The following DRC4 variants were observed in gnomAD, a reference collection of about 807,000 sequenced individuals.
The protein encoded by DRC4 is dynein regulatory complex subunit 4.
At chr16:90,037,506 C>T in the DRC4 span, 7,593 of 1,264,828 alleles carry the variant, frequency 6.0e-3, 48 homozygotes, top group South Asian at 0.014. Flanking sequence ...GGAAGGGAGA[C>T]GGGGAGGCCT....
At chr16:90,036,133 C>G in the DRC4 span, 1 of 579,212 alleles carries the variant, frequency 1.7e-6, no homozygotes, top group East Asian at 3.0e-5. Context: ...TTGGCACCCC[C>G]AGTGCAGGGA....
At chr16:90,035,559 A>T in the DRC4 span, 1 of 1,601,790 alleles carries the variant, frequency 6.2e-7, no homozygotes, top group Non-Finnish European at 8.6e-7. Context: ...ACCATGAGGA[A>T]CAGGGTCAGC....
chr16:90,033,567 G>A, the DRC4 span, among the ~76,000 whole-genome samples: 1 of 152,370 alleles, frequency 6.6e-6, no homozygotes. Context: ...TTGGGAGGCT[G>A]AGGCGGGAGG....
At chr16:90,038,690 C>G in the DRC4 span, among the ~76,000 whole-genome samples, 1 of 152,166 alleles carries the variant, frequency 6.6e-6, no homozygotes, top group Admixed American at 6.5e-5. Flanking sequence ...CTCACCTGCA[C>G]CAGATCTGAC....
chr16:90,024,159 A>AC, the DRC4 span, among the ~76,000 whole-genome samples: 5 of 93,494 alleles, frequency 5.3e-5, no homozygotes, highest in African/African-American at 1.5e-4. Flanking sequence ...CACACACACA[A>AC]AATTAGCCGG....
chr16:90,043,713 A>T, the DRC4 span: 1 of 489,196 alleles, frequency 2.0e-6, no homozygotes, highest in Non-Finnish European at 4.2e-6. Flanking sequence ...CACCGAATGG[A>T]CAGCTTTGCA....
At chr16:90,023,067 G>GGATCCCAGGGATCCAATCCAGGAA in the DRC4 span, among the ~76,000 whole-genome samples, 2 of 152,204 alleles carry the variant, frequency 1.3e-5, no homozygotes, top group Admixed American at 6.5e-5. Context: ...GACTCGGTCT[G>GGATCCCAGGGATCCAATCCAGGAA]TTGGATCCCT....
chr16:90,025,649 CAAAAAA>C, the DRC4 span, among the ~76,000 whole-genome samples: 1,875 of 45,904 alleles, frequency 0.041, 30 homozygotes, highest in African/African-American at 0.056. Flanking sequence ...GACTCTGTCT[CAAAAAA>C]AAAAAAAAAA....
the DRC4 span, chr16:90,029,935 T>A: frequency 6.5e-6 from 1 of 153,400 alleles, no homozygotes; most frequent in African/African-American, 2.4e-5. Context: ...TTTTTTGTAT[T>A]TTTAGTAGAG....
At chr16:90,034,882 C>G in the DRC4 span, among the ~76,000 whole-genome samples, 2 of 147,186 alleles carry the variant, frequency 1.4e-5, no homozygotes, top group Non-Finnish European at 3.0e-5. Flanking sequence ...AGCCACCACA[C>G]CCACCTAATC....
chr16:90,042,633 G>T, the DRC4 span: 1 of 986,838 alleles, frequency 1.0e-6, no homozygotes, highest in Non-Finnish European at 1.6e-6. Flanking sequence ...TGCCCACTTC[G>T]TACCTCGTTT....
chr16:90,022,866 G>T, the DRC4 span: 2 of 847,768 alleles, frequency 2.4e-6, no homozygotes, highest in African/African-American at 3.5e-5. Flanking sequence ...GTGCTCTTGT[G>T]GGGGTCTCCG....
chr16:90,037,643 C>T, the DRC4 span: 1 of 1,096,730 alleles, frequency 9.1e-7, no homozygotes, highest in East Asian at 2.4e-5. Flanking sequence ...TGCTTGTGTC[C>T]TGGAACCAGG....
At chr16:90,029,529 A>G in the DRC4 span, 4 of 356,642 alleles carry the variant, frequency 1.1e-5, no homozygotes, top group Non-Finnish European at 2.2e-5. Context: ...AGGAGCCTCT[A>G]AAGGTCTGTG....
At chr16:90,042,547 C>T in the DRC4 span, 1 of 1,610,722 alleles carries the variant, frequency 6.2e-7, no homozygotes. Flanking sequence ...TACGGCTGTG[C>T]CCTGCCCTCC....
chr16:90,026,162 G>T, the DRC4 span, among the ~76,000 whole-genome samples: 194 of 152,188 alleles, frequency 1.3e-3, no homozygotes, highest in African/African-American at 4.5e-3. Context: ...AAAAGCATGG[G>T]CTGAAGACTA....
At chr16:90,040,282 C>A in the DRC4 span, 1 of 1,559,970 alleles carries the variant, frequency 6.4e-7, no homozygotes. Flanking sequence ...TCGCCCACCC[C>A]CAGCGCTGTC....
the DRC4 span, among the ~76,000 whole-genome samples, chr16:90,024,316 A>G: frequency 5.9e-5 from 9 of 152,140 alleles, no homozygotes; most frequent in Non-Finnish European, 1.3e-4. Context: ...TTAATTATTT[A>G]GGTGCACCGG....
chr16:90,037,326 A>G, the DRC4 span: 43 of 1,614,108 alleles, frequency 2.7e-5, no homozygotes, highest in Non-Finnish European at 3.6e-5. Context: ...GACCCTCTCC[A>G]GAAGGCTCGG....
Sources: allele counts gnomAD v4.1 joint callset (sites outside exome capture counted in the v4.1 genomes callset), GRCh38; gene constraint gnomAD v4.1.1; transcripts MANE v1.5; gene names NCBI Gene and HGNC (gene_info 2026-07-23, HGNC 2026-07-21).